The following PTPN13 variants were observed in gnomAD, a reference collection of about 807,000 sequenced individuals.
The protein encoded by PTPN13 is protein tyrosine phosphatase non-receptor type 13.
A neutral mutation model predicts 284.0 loss-of-function variants in PTPN13; 191 were observed. The ratio of observed to expected loss-of-function variants is 0.67; its 90% CI spans 0.60 to 0.76. The LOEUF (loss-of-function observed/expected upper bound fraction) is 0.76, where lower values mean the gene tolerates loss of function less well. PTPN13 is among the 30% of genes least tolerant of loss of function. The probability of loss-of-function intolerance (pLI) is 0.00; values close to 1 mark genes in which losing one functional copy is unlikely to be tolerated. For synonymous variants in PTPN13, 986 were observed against 1,022.3 expected, an observed-to-expected ratio of 0.96 and a Z score of 0.68; for missense variants, 2,797 against 2,939.9, an observed-to-expected ratio of 0.95 and a Z score of 1.12.
At chr4:86,797,485 CTG>C (rs1417580059) in intron 41 of PTPN13, among the ~76,000 whole-genome samples, 1 of 151,076 alleles carries the variant, frequency 6.6e-6, no homozygotes, top group East Asian at 1.9e-4. Context: ...GAGCAAGACT[CTG>C]TCTCAAAAAA....
chr4:86,625,692 C>T (rs1356490564), intron 1 of PTPN13, among the ~76,000 whole-genome samples: 1 of 152,052 alleles, frequency 6.6e-6, no homozygotes, highest in African/African-American at 2.4e-5. Flanking sequence ...GATTGTAGGA[C>T]CTTTTCTTCC....
At chr4:86,734,267 T>TTTA in intron 12 of PTPN13, 36 bp from the exon 13 acceptor site, 2 of 1,384,426 alleles carry the variant, frequency 1.4e-6, no homozygotes, top group Non-Finnish European at 1.9e-6. Flanking sequence ...AAAGTATTTT[T>TTTA]TTATTTTATC....
At chr4:86,758,535 A>G in intron 21 of PTPN13, 143 bp from the exon 22 acceptor site, 1 of 928,812 alleles carries the variant, frequency 1.1e-6, no homozygotes, top group Non-Finnish European at 1.6e-6. Context: ...TGCCTACAAG[A>G]AATACTTCCA....
Position 86,734,753 on chromosome 4 carries a change from C to T in PTPN13, c.2029C>T (p.His677Tyr). The part of the protein sequence containing the change: ...VSLIQHTLTC[H>Y]QYYLQLRKDI... ...TTTTTTCAGACATACTCTGACGTGTCATCAGTATTACCTTCAGCTTCGAAA... is the reference window on the plus strand; with the variant it reads ...TTTTTTCAGACATACTCTGACGTGTTATCAGTATTACCTTCAGCTTCGAAA... The change falls in exon 14 of 48, where the codon CAT becomes TAT. Residue 677 changes from histidine to tyrosine, a missense_variant. Physicochemically the swap from His to Tyr is moderately conservative, Grantham distance 83. Coordinates refer to ENST00000411767, the MANE Select transcript of PTPN13 (RefSeq NM_080683.3). The T allele has an allele frequency of 6.2e-7, 1 of 1,611,572 alleles. No homozygotes were observed. Among genetic ancestry groups the T allele is most frequent in the Non-Finnish European group, 8.5e-7 (1 of 1,178,298 alleles).
At chr4:86,595,701 C>T (rs1763626248) in intron 1 of PTPN13, 1 of 983,436 alleles carries the variant, frequency 1.0e-6, no homozygotes, top group South Asian at 4.7e-5. Context: ...TGAGCTCCCT[C>T]GCAGAAAATG....
intron 15 of PTPN13, among the ~76,000 whole-genome samples, chr4:86,738,862 A>G (rs1735832639): frequency 6.6e-6 from 1 of 151,922 alleles, no homozygotes; most frequent in Non-Finnish European, 1.5e-5. Flanking sequence ...TGTATTTTTC[A>G]TAGGGACAGG....
intron 7 of PTPN13, among the ~76,000 whole-genome samples, chr4:86,714,335 C>T (rs1732760988): frequency 6.6e-6 from 1 of 152,128 alleles, no homozygotes. Context: ...TTTCCCTTGT[C>T]TGTTAGTTAC....
At chr4:86,698,271 G>C (rs192750201) in intron 6 of PTPN13, among the ~76,000 whole-genome samples, 1 of 152,158 alleles carries the variant, frequency 6.6e-6, no homozygotes, top group Non-Finnish European at 1.5e-5. Flanking sequence ...AATCAGTTGA[G>C]TAATTGGGCC....
chr4:86,663,949 A>C (rs1213908194), intron 2 of PTPN13, among the ~76,000 whole-genome samples: 1 of 152,192 alleles, frequency 6.6e-6, no homozygotes, highest in Non-Finnish European at 1.5e-5. Context: ...ATACCAGTTA[A>C]TTGACATATA....
At chr4:86,629,963 C>T (rs977300074) in intron 1 of PTPN13, among the ~76,000 whole-genome samples, 31 of 152,000 alleles carry the variant, frequency 2.0e-4, no homozygotes, top group South Asian at 6.2e-4. Context: ...GACGAGGTAT[C>T]GCTGTATTGC....
intron 2 of PTPN13, among the ~76,000 whole-genome samples, chr4:86,666,765 A>G (rs903937991): frequency 3.3e-5 from 5 of 152,184 alleles, no homozygotes; most frequent in African/African-American, 1.2e-4. Flanking sequence ...TGATGTTTAC[A>G]TAGCACGTGG....
intron 1 of PTPN13, among the ~76,000 whole-genome samples, chr4:86,600,837 T>A (rs1025494512): frequency 1.3e-5 from 2 of 152,094 alleles, no homozygotes; most frequent in African/African-American, 4.8e-5. Flanking sequence ...TGTAGTTAAA[T>A]ATTTCTTCTG....
At chr4:86,797,490 T>A (rs1196162352) in intron 41 of PTPN13, among the ~76,000 whole-genome samples, 1 of 150,572 alleles carries the variant, frequency 6.6e-6, no homozygotes, top group Non-Finnish European at 1.5e-5. Flanking sequence ...AGACTCTGTC[T>A]CAAAAAAAAA....
At chr4:86,690,753 G>T (rs1477947611) in intron 5 of PTPN13, among the ~76,000 whole-genome samples, 2 of 151,736 alleles carry the variant, frequency 1.3e-5, no homozygotes, top group East Asian at 3.9e-4. Flanking sequence ...TTTTTTTTCT[G>T]TCACCATAGA....
intron 24 of PTPN13, among the ~76,000 whole-genome samples, chr4:86,764,223 G>C (rs1488824937): frequency 6.6e-6 from 1 of 152,052 alleles, no homozygotes; most frequent in Non-Finnish European, 1.5e-5. Flanking sequence ...ATTGGACCAG[G>C]ATTATATAAA....
At position 86,635,301 on chromosome 4, in the gene PTPN13, A is replaced by AG; in HGVS notation, c.45_46insG (p.Leu16AlafsTer15). 1 of 1,608,004 alleles carries AG rather than the reference A, an allele frequency of 6.2e-7. No homozygotes were observed. Among genetic ancestry groups the AG allele is most frequent in the Non-Finnish European group, 8.5e-7 (1 of 1,177,480 alleles). ...AGGCCCTGGAGGTTCGGGGTGGACCACTTCAGGAGGAAGAAATATGGGCTG... is the reference window on the plus strand; with the variant it reads ...AGGCCCTGGAGGTTCGGGGTGGACCAGCTTCAGGAGGAAGAAATATGGGCTG... On this transcript the variant is annotated frameshift_variant, in exon 2 of 48. Coordinates refer to ENST00000411767, the MANE Select transcript of PTPN13 (RefSeq NM_080683.3). LOFTEE classifies it high-confidence loss of function.
chr4:86,598,738 A>G (rs1565111682), intron 1 of PTPN13, among the ~76,000 whole-genome samples: 1 of 151,916 alleles, frequency 6.6e-6, no homozygotes, highest in East Asian at 1.9e-4. Context: ...CCTGTACCTT[A>G]GAATCACCTG....
chr4:86,811,025 A>G (rs748679786), intron 46 of PTPN13, 21 bp from the exon 47 acceptor site: 3 of 1,606,000 alleles, frequency 1.9e-6, no homozygotes, highest in East Asian at 2.2e-5. Context: ...AATCTAACAC[A>G]TATGTGGTTT....
At chr4:86,596,806 TC>T (rs1468118146) in intron 1 of PTPN13, among the ~76,000 whole-genome samples, 1 of 152,166 alleles carries the variant, frequency 6.6e-6, no homozygotes, top group Non-Finnish European at 1.5e-5. Flanking sequence ...TTCTTTTTTT[TC>T]CTCTTCACCC....
Sources: allele counts gnomAD v4.1 joint callset (sites outside exome capture counted in the v4.1 genomes callset), GRCh38; gene constraint gnomAD v4.1.1; transcripts MANE v1.5; gene names NCBI Gene and HGNC (gene_info 2026-07-23, HGNC 2026-07-21).